The following SLC20A2 variants were observed in gnomAD, a reference collection of about 807,000 sequenced individuals.
The protein encoded by SLC20A2 is solute carrier family 20 member 2.
Under a neutral mutation model 61.0 loss-of-function variants are expected in SLC20A2, and 30 were observed. The ratio of observed to expected loss-of-function variants is 0.49; its 90% confidence interval spans 0.37 to 0.67. The LOEUF (loss-of-function observed/expected upper bound fraction) is 0.67. Ranked by LOEUF, SLC20A2 falls within the 30% of genes least tolerant of loss-of-function variation. The pLI is 0.00. For synonymous variants in SLC20A2, 351 were observed against 353.3 expected (o/e 0.99, Z 0.07); for missense variants, 626 against 866.4 (o/e 0.72, Z 3.48).
At chr8:42,484,739 A>ACTTGG (rs777487074) in intron 1 of SLC20A2, 165 of 359,682 alleles carry the variant, frequency 4.6e-4, no homozygotes, top group Non-Finnish European at 6.8e-4. Context: ...CCATGATCCA[A>ACTTGG]GAGAGCCTGA....
chr8:42,533,028 T>C (rs1315749927), intron 1 of SLC20A2, among the ~76,000 whole-genome samples: 2 of 152,018 alleles, frequency 1.3e-5, no homozygotes, highest in Non-Finnish European at 2.9e-5. Flanking sequence ...GACCAAGTGA[T>C]AAACAGGGCA....
At chr8:42,435,538 TGTAAGACGACAGCAG>T (rs1804182361) in intron 8 of SLC20A2, among the ~76,000 whole-genome samples, 1 of 152,022 alleles carries the variant, frequency 6.6e-6, no homozygotes, top group African/African-American at 2.4e-5. Flanking sequence ...GTTACACAGC[TGTAAGACGACAGCAG>T]AGACCCAAAC....
intron 10 of SLC20A2, among the ~76,000 whole-genome samples, chr8:42,427,739 T>G (rs1803519471): frequency 6.6e-6 from 1 of 152,190 alleles, no homozygotes; most frequent in Non-Finnish European, 1.5e-5. Flanking sequence ...CCTGGGTGTT[T>G]GAAGCATGAA....
chr8:42,456,525 G>A (rs1806207095), intron 5 of SLC20A2, among the ~76,000 whole-genome samples: 1 of 152,120 alleles, frequency 6.6e-6, no homozygotes, highest in African/African-American at 2.4e-5. Flanking sequence ...GAGGTCAGGA[G>A]TTTGAGACCA....
chr8:42,472,211 C>T lies in SLC20A2; in HGVS notation c.180G>A (p.Val60=), dbSNP rs1190689248. Residue 60 remains valine, a synonymous_variant, in exon 2 of 11, where the codon GTG becomes GTA. Transcript: ENST00000520262. The surrounding 1 kb of genome is among the most constrained non-coding windows in gnomAD (Gnocchi z 4.1). ...TTTCTCCTACTTTGGCGCCTAGTAA[C>T]ACGGAGCCGGTGGTTTCAAATATTG... The part of the protein sequence containing the change: ...LASIFETTGS[V]LLGAKVGETI... 6.2e-7 allele frequency: 1 copy of T among 1,614,064 alleles called. No individual in the cohort carries two copies. The highest frequency in any genetic ancestry group is 1.3e-5 in the African/African-American group (1 of 74,928).
chr8:42,467,677 C>T (rs943903982), intron 2 of SLC20A2, among the ~76,000 whole-genome samples: 19 of 152,142 alleles, frequency 1.2e-4, no homozygotes, highest in African/African-American at 4.3e-4. Context: ...TGAGCTGAGG[C>T]TGGCTGTGAC....
chr8:42,455,962 C>T (rs1413714693), intron 5 of SLC20A2, among the ~76,000 whole-genome samples: 2 of 152,106 alleles, frequency 1.3e-5, no homozygotes, highest in Non-Finnish European at 2.9e-5. Flanking sequence ...CAGTTCAATA[C>T]AGTTACATTA....
At chr8:42,419,390 T>C (rs748857985) in intron 10 of SLC20A2, among the ~76,000 whole-genome samples, 1 of 151,820 alleles carries the variant, frequency 6.6e-6, no homozygotes, top group Non-Finnish European at 1.5e-5. Flanking sequence ...ACCAACATGG[T>C]GAAACCCTGT....
chr8:42,504,894 T>A (rs1810565075), upstream of SLC20A2, among the ~76,000 whole-genome samples: 1 of 111,898 alleles, frequency 8.9e-6, no homozygotes, highest in Admixed American at 9.5e-5. Context: ...AAAGGCATGT[T>A]CCAGTTACTA....
At chr8:42,483,707 G>T (rs191945785) in intron 1 of SLC20A2, among the ~76,000 whole-genome samples, 484 of 152,310 alleles carry the variant, frequency 3.2e-3, no homozygotes, top group Non-Finnish European at 5.4e-3. Context: ...ACCAAAAATA[G>T]GTAGATATTC....
intron 1 of SLC20A2, chr8:42,538,349 C>T (rs1812841742): frequency 6.6e-6 from 1 of 151,422 alleles, no homozygotes; most frequent in African/African-American, 2.4e-5. Flanking sequence ...CCTTGAAGAG[C>T]TTATATTTTG....
chr8:42,447,643 C>T (rs748386498), intron 5 of SLC20A2, among the ~76,000 whole-genome samples: 1 of 152,152 alleles, frequency 6.6e-6, no homozygotes, highest in Non-Finnish European at 1.5e-5. Flanking sequence ...CGCCACTGCA[C>T]TCCAGCCTGG....
intron 1 of SLC20A2, among the ~76,000 whole-genome samples, chr8:42,489,082 G>A (rs1039711382): frequency 6.6e-6 from 1 of 151,818 alleles, no homozygotes; most frequent in African/African-American, 2.4e-5. Context: ...TGGGATTACA[G>A]ATGCCTGCTA....
In SLC20A2 at chr8:42,472,399, G is replaced by A. The variant is rs1365462399; in HGVS notation, c.-9C>T. ...TACTCATCCATGGCCATTTTGGAAAGTGGGTGCCGGGTACTTTTCTTTTGC... is the reference window on the plus strand; with the variant it reads ...TACTCATCCATGGCCATTTTGGAAAATGGGTGCCGGGTACTTTTCTTTTGC... On this transcript the variant is annotated 5_prime_UTR_variant, in exon 2 of 11. Transcript: ENST00000520262. This position sits in a 1 kb window ranked among gnomAD's most constrained non-coding sequence, Gnocchi z 4.1. 6 of 1,606,118 alleles carry A rather than the reference G, an allele frequency of 3.7e-6. No individual in the cohort carries two copies. In the African/African-American group the frequency reaches 4.0e-5, roughly 11 times the overall value.
intron 1 of SLC20A2, among the ~76,000 whole-genome samples, chr8:42,511,408 C>G (rs1811023734): frequency 6.6e-6 from 1 of 152,102 alleles, no homozygotes; most frequent in Non-Finnish European, 1.5e-5. Flanking sequence ...GCAGGCGGAT[C>G]ACGAGGTCAG....
chr8:42,442,175 T>C (rs1293076987), intron 6 of SLC20A2, among the ~76,000 whole-genome samples: 4 of 152,094 alleles, frequency 2.6e-5, no homozygotes, highest in Admixed American at 2.6e-4. Context: ...TCAGGTGATC[T>C]GCCTGCCTCA....
At chr8:42,529,107 T>A (rs913942992) in intron 1 of SLC20A2, among the ~76,000 whole-genome samples, 3 of 152,190 alleles carry the variant, frequency 2.0e-5, no homozygotes, top group African/African-American at 7.2e-5. Context: ...CCCAAGTAGA[T>A]GGGACTACAG....
At chr8:42,504,916 G>A (rs1306974310), upstream of SLC20A2, among the ~76,000 whole-genome samples, 1 of 143,622 alleles carries the variant, frequency 7.0e-6, no homozygotes, top group Non-Finnish European at 1.5e-5. Context: ...GCCAGGTACT[G>A]GGGACAGATA....
intron 1 of SLC20A2, among the ~76,000 whole-genome samples, chr8:42,507,187 G>C (rs1810758997): frequency 6.6e-6 from 1 of 152,176 alleles, no homozygotes; most frequent in Non-Finnish European, 1.5e-5. Flanking sequence ...TGAGCCACTA[G>C]TATCAGGTGG....
Sources: allele counts gnomAD v4.1 joint callset (sites outside exome capture counted in the v4.1 genomes callset), GRCh38; gene constraint gnomAD v4.1.1; non-coding constraint Gnocchi (gnomAD v3.1); transcripts MANE v1.5; gene names NCBI Gene and HGNC (gene_info 2026-07-23, HGNC 2026-07-21).